The following LHFPL1 variants were observed in gnomAD, a reference collection of about 807,000 sequenced individuals.
The protein encoded by LHFPL1 is LHFPL tetraspan subfamily member 1 protein.
Under a neutral mutation model 12.1 loss-of-function variants are expected in LHFPL1, and 4 were observed. That is an observed-to-expected ratio of 0.33 (90% CI 0.16 to 0.76). LHFPL1 has a LOEUF of 0.76. Among genes scored for constraint, LHFPL1 ranks in the 30% least tolerant of loss-of-function variants. The pLI is 0.61. For synonymous variants in LHFPL1, 52 were observed against 61.9 expected, an observed-to-expected ratio of 0.84 and a Z score of 0.75; for missense variants, 141 against 174.1, an observed-to-expected ratio of 0.81 and a Z score of 1.07.
chrX:112,671,438 A>T lies in LHFPL1; in HGVS notation c.-14-34T>A, dbSNP rs755598491. The T allele has an allele frequency of 5.8e-6, 7 of 1,209,349 alleles. No homozygotes were observed. In the South Asian group the frequency reaches 1.2e-4, roughly 21 times the overall value. On this transcript the variant is annotated intron_variant, in intron 1 of 3. Transcript: ENST00000371968. ...ATGGGGAGATGAGTTGGATCACAGCACCAAATGCAGTAAGTTACCATGTAG... is the reference window on the plus strand; with the variant it reads ...ATGGGGAGATGAGTTGGATCACAGCTCCAAATGCAGTAAGTTACCATGTAG...
chrX:112,668,684 TC>T (rs2147728026), intron 2 of LHFPL1, among the ~76,000 whole-genome samples: 1 of 112,807 alleles, frequency 8.9e-6, no homozygotes, highest in South Asian at 3.7e-4. Flanking sequence ...CAAAGTTCTG[TC>T]CCGCCTAACC....
intron 3 of LHFPL1, among the ~76,000 whole-genome samples, chrX:112,636,124 TCCTC>T (rs1194619471): frequency 9.0e-6 from 1 of 111,054 alleles, no homozygotes; most frequent in Non-Finnish European, 1.9e-5. Flanking sequence ...AACTTATTCT[TCCTC>T]CCCACCAAGT....
intron 3 of LHFPL1, among the ~76,000 whole-genome samples, chrX:112,636,300 A>C (rs945970288): frequency 2.7e-5 from 3 of 111,705 alleles, no homozygotes; most frequent in Non-Finnish European, 5.6e-5. Context: ...ATAGACAGAG[A>C]GAGTTACCAG....
intron 3 of LHFPL1, among the ~76,000 whole-genome samples, chrX:112,654,280 G>T (rs1230764420): frequency 9.0e-6 from 1 of 111,640 alleles, no homozygotes; most frequent in Non-Finnish European, 1.9e-5. Context: ...CAAATATTCA[G>T]TACTATTTGG....
intron 3 of LHFPL1, among the ~76,000 whole-genome samples, chrX:112,651,300 T>A (rs1930847389): frequency 8.9e-6 from 1 of 112,181 alleles, no homozygotes; most frequent in Admixed American, 9.4e-5. Context: ...CTGTGAAAAT[T>A]AAATGAGATG....
intron 3 of LHFPL1, among the ~76,000 whole-genome samples, chrX:112,651,236 T>G (rs779027578): frequency 8.9e-6 from 1 of 112,170 alleles, no homozygotes; most frequent in African/African-American, 3.2e-5. Flanking sequence ...TTCTGTGAAC[T>G]TCTCATCCTC....
intron 2 of LHFPL1, among the ~76,000 whole-genome samples, chrX:112,663,022 C>T (rs763195410): frequency 3.0e-4 from 33 of 111,723 alleles, no homozygotes; most frequent in African/African-American, 1.0e-3. Flanking sequence ...TCTGCCTTCT[C>T]AAGCGGAAAC....
At position 112,671,424 on chromosome X, in the gene LHFPL1, A is replaced by G; in HGVS notation, c.-14-20T>C. On this transcript the variant is annotated intron_variant, in intron 1 of 3. Coordinates refer to ENST00000371968, the MANE Select transcript of LHFPL1 (RefSeq NM_178175.4). ...GTTTCTCTGCAGGGATGGGGAGATG[A>G]GTTGGATCACAGCACCAAATGCAGT... 1 of 1,210,767 alleles carries G rather than the reference A, an allele frequency of 8.3e-7. No homozygotes were observed. Among genetic ancestry groups the G allele is most frequent in the South Asian group, 1.8e-5 (1 of 56,951 alleles).
rs192783117 is a variant in LHFPL1 at position 112,675,784 on chromosome X, G to A, written c.-15+4045C>T. Among the ~76,000 whole-genome samples the A allele has an allele frequency of 4.3e-3, 484 of 111,940 alleles. 6 individuals are homozygous for A. The highest frequency in any genetic ancestry group is 0.015 in the African/African-American group (463 of 30,828). ...GAGATGTTGTGGGCTAGCACAATCCGTGGACAGCAGGTTAAGAATCACTGC... is the reference window on the plus strand; with the variant it reads ...GAGATGTTGTGGGCTAGCACAATCCATGGACAGCAGGTTAAGAATCACTGC... On this transcript the variant is annotated intron_variant, in intron 1 of 3. Transcript: ENST00000371968.
chrX:112,635,366 A>G (rs190432219), intron 3 of LHFPL1, among the ~76,000 whole-genome samples: 2 of 112,586 alleles, frequency 1.8e-5, no homozygotes, highest in Admixed American at 9.4e-5. Flanking sequence ...TGGCCCACTT[A>G]TAAGTGTCAG....
chrX:112,672,476 C>T (rs774453381), intron 1 of LHFPL1, among the ~76,000 whole-genome samples: 71 of 94,469 alleles, frequency 7.5e-4, no homozygotes, highest in African/African-American at 4.1e-3. Flanking sequence ...TCTATTGGGC[C>T]GGCTAGAGAC....
At chrX:112,666,584 G>A (rs746009780) in intron 2 of LHFPL1, among the ~76,000 whole-genome samples, 10 of 111,974 alleles carry the variant, frequency 8.9e-5, no homozygotes, top group Non-Finnish European at 1.7e-4. Context: ...CCAGACAGTT[G>A]TTACCTTTTC....
intron 3 of LHFPL1, among the ~76,000 whole-genome samples, chrX:112,654,173 G>A (rs1321436649): frequency 3.6e-5 from 4 of 112,099 alleles, no homozygotes; most frequent in Non-Finnish European, 5.6e-5. Context: ...TATACATAAA[G>A]TTGTTCCCTG....
intron 3 of LHFPL1, among the ~76,000 whole-genome samples, chrX:112,648,911 C>G: frequency 8.9e-6 from 1 of 111,788 alleles, no homozygotes; most frequent in East Asian, 2.8e-4. Context: ...ACAAATAGTG[C>G]TTTCAATAAT....
intron 2 of LHFPL1, among the ~76,000 whole-genome samples, chrX:112,669,785 C>G (rs1318486448): frequency 9.0e-6 from 1 of 111,522 alleles, no homozygotes; most frequent in East Asian, 2.8e-4. Flanking sequence ...GGACCTTCCC[C>G]AAGTTGTGAC....
intron 3 of LHFPL1, among the ~76,000 whole-genome samples, chrX:112,649,158 C>T (rs1269977389): frequency 8.9e-6 from 1 of 112,076 alleles, no homozygotes; most frequent in Non-Finnish European, 1.9e-5. Context: ...CATATGTATA[C>T]ATGTGCCATG....
intron 2 of LHFPL1, among the ~76,000 whole-genome samples, chrX:112,668,368 G>A (rs896761746): frequency 1.8e-5 from 2 of 112,345 alleles, no homozygotes; most frequent in Non-Finnish European, 3.8e-5. Context: ...CCAGTCTCTA[G>A]AAAGGAGGCA....
chrX:112,670,666 G>A (rs1931470476), intron 2 of LHFPL1, among the ~76,000 whole-genome samples: 1 of 112,287 alleles, frequency 8.9e-6, no homozygotes, highest in Admixed American at 9.4e-5. Flanking sequence ...GTTTATGTTG[G>A]AGCAGTAATA....
chrX:112,664,552 T>C (rs1397903002), intron 2 of LHFPL1, among the ~76,000 whole-genome samples: 1 of 111,504 alleles, frequency 9.0e-6, no homozygotes, highest in Non-Finnish European at 1.9e-5. Flanking sequence ...AGCTCCGTGC[T>C]CTGCCCAACC....
Sources: allele counts gnomAD v4.1 joint callset (sites outside exome capture counted in the v4.1 genomes callset), GRCh38; gene constraint gnomAD v4.1.1; transcripts MANE v1.5; gene names NCBI Gene and HGNC (gene_info 2026-07-23, HGNC 2026-07-21).